Variants in RIPK4 observed in about 807,000 individuals in gnomAD.
RIPK4 encodes the protein receptor interacting serine/threonine kinase 4, also known as receptor-interacting serine/threonine-protein kinase 4.
In RIPK4, 17 loss-of-function variants were observed where a neutral mutation model predicts 42.9. That is an observed-to-expected ratio of 0.40 (90% CI 0.27 to 0.59). The LOEUF (loss-of-function observed/expected upper bound fraction) is 0.59, where lower values mean the gene tolerates loss of function less well. RIPK4 is among the 20% of genes least tolerant of loss of function. The pLI, the probability that RIPK4 is intolerant of heterozygous loss-of-function variation, is 0.47. For synonymous variants in RIPK4, 498 were observed against 499.1 expected (o/e 1.00, Z 0.03); for missense variants, 897 against 1,104.4 (o/e 0.81, Z 2.66).
At chr21:41,764,053 T>C (rs1373862322) in intron 1 of RIPK4, among the ~76,000 whole-genome samples, 2 of 152,062 alleles carry the variant, frequency 1.3e-5, no homozygotes, top group Non-Finnish European at 2.9e-5. Flanking sequence ...AGCCCCATGA[T>C]GAAGGTAATC....
At position 41,742,651 on chromosome 21, in the gene RIPK4, C is replaced by T. The variant is rs1275590680; in HGVS notation, c.1196-654G>A. 1.3e-5 allele frequency among the ~76,000 whole-genome samples: 2 copies of T among 152,200 alleles called. No homozygotes were observed. The highest frequency in any genetic ancestry group is 4.8e-5 in the African/African-American group (2 of 41,446). On this transcript the variant is annotated intron_variant, in intron 7 of 7. Transcript: ENST00000332512. This position sits in a 1 kb window ranked among gnomAD's most constrained non-coding sequence, Gnocchi z 5.1. ...TGCTGAAACCCTGCAACGAGACTCT[C>T]CTCCGCCCTCATGTGAAACGCGTGG...
In RIPK4 at chr21:41,742,122, C is replaced by A. The variant is rs2061156679; in HGVS notation, c.1196-125G>T. 5 of 845,500 alleles carry A rather than the reference C, an allele frequency of 5.9e-6. No individual in the cohort carries two copies. The African/African-American group carries it at 6.8e-5, about 11-fold the overall frequency. The allele number at this position is 845,500 out of a possible 1,614,324, so 52.4% of individuals were successfully genotyped here. A position where few individuals can be genotyped will look rare whatever the true frequency, so the allele number is the denominator to read the frequency against. On this transcript the variant is annotated intron_variant, in intron 7 of 7. Transcript: ENST00000332512. The surrounding 1 kb of genome is among the most constrained non-coding windows in gnomAD (Gnocchi z 5.1). Reference sequence around the variant, plus strand: ...TGGCCTCCAGGCTGCTCGCTGGTCACCCGACTGTGTTTGAGCGTTGTCTGT... The same window carrying A: ...TGGCCTCCAGGCTGCTCGCTGGTCAACCGACTGTGTTTGAGCGTTGTCTGT...
At chr21:41,757,521 C>CAA (rs1214240363) in intron 1 of RIPK4, among the ~76,000 whole-genome samples, 27 of 107,812 alleles carry the variant, frequency 2.5e-4, no homozygotes, top group African/African-American at 7.8e-4. Context: ...AACTCCATCT[C>CAA]AAAAAAAAAA....
At position 41,756,697 on chromosome 21, in the gene RIPK4, G is replaced by A. The variant is rs778210206; in HGVS notation, c.302C>T (p.Thr101Met). 1.9e-5 allele frequency: 31 copies of A among 1,614,076 alleles called. No homozygotes were observed. The highest frequency in any genetic ancestry group is 2.7e-5 in the African/African-American group (2 of 74,942). ...PVGLVMEYME[T>M]GSLEKLLASE... ...AGCCAGCAGCTTTTCCAGGGAGCCC[G>A]TCTCCATGTACTCCATGACCAGGCC... The change falls in exon 2 of 8, where the codon ACG (threonine) becomes ATG (methionine). Residue 101 changes from threonine (T) to methionine (M), a missense_variant. Transcript: ENST00000332512.
Position 41,741,440 on chromosome 21 carries a change from T to A in RIPK4, c.1753A>T (p.Ile585Phe), listed in dbSNP as rs1203634829. Residue 585 changes from isoleucine (I) to phenylalanine (F), a missense_variant, in exon 8 of 8, where the codon ATC becomes TTC. Transcript: ENST00000332512. The part of the protein sequence containing the change: ...HYAAWQGHLP[I>F]VKLLAKQPGV... ...GGCTGCTTGGCCAGCAGCTTGACGATGGGCAGGTGGCCCTGCCAGGCAGCG... is the reference window on the plus strand; with the variant it reads ...GGCTGCTTGGCCAGCAGCTTGACGAAGGGCAGGTGGCCCTGCCAGGCAGCG... The A allele has an allele frequency of 6.2e-7, 1 of 1,612,724 alleles. No individual in the cohort carries two copies. The highest frequency in any genetic ancestry group is 2.2e-5 in the East Asian group (1 of 44,878).
In RIPK4 at chr21:41,751,369, G is replaced by A. The variant is rs1396268332; in HGVS notation, c.475-124C>T. 1 of 1,310,666 alleles carries A rather than the reference G, an allele frequency of 7.6e-7. No individual in the cohort carries two copies. The highest frequency in any genetic ancestry group is 1.0e-6 in the Non-Finnish European group (1 of 965,646). The allele number at this position is 1,310,666 out of a possible 1,614,324, so 81.2% of individuals were successfully genotyped here. A position where few individuals can be genotyped will look rare whatever the true frequency, so the allele number is the denominator to read the frequency against. On this transcript the variant is annotated intron_variant, in intron 2 of 7. Coordinates refer to ENST00000332512, the MANE Select transcript of RIPK4 (RefSeq NM_020639.3). This position sits in a 1 kb window ranked among gnomAD's most constrained non-coding sequence, Gnocchi z 4.5. ...GAGAGCTTTCCAGGAGCCCCTAAGA[G>A]CCGTGTCTGTGCCTCTCCAGGTAGC... is the stretch of plus-strand genomic sequence containing the variant.
intron 2 of RIPK4, among the ~76,000 whole-genome samples, chr21:41,754,469 T>C (rs61537445): frequency 0.021 from 3,246 of 152,226 alleles, 115 homozygotes; most frequent in African/African-American, 0.074. Flanking sequence ...CACACAGAGA[T>C]GTCCTGTCAC....
intron 4 of RIPK4, among the ~76,000 whole-genome samples, chr21:41,748,485 G>A (rs1169137986): frequency 6.6e-6 from 1 of 152,208 alleles, no homozygotes; most frequent in Non-Finnish European, 1.5e-5. Context: ...GTGGCTGCCT[G>A]GCTGGGGAAG....
intron 6 of RIPK4, among the ~76,000 whole-genome samples, chr21:41,744,509 G>A (rs2061164739): frequency 6.6e-6 from 1 of 152,136 alleles, no homozygotes; most frequent in Admixed American, 6.5e-5. Flanking sequence ...ACCCAGCACG[G>A]AGACATCTTA....
At position 41,743,884 on chromosome 21, in the gene RIPK4, C is replaced by A. The variant is rs201219158; in HGVS notation, c.1193G>T (p.Ser398Ile). 1.3e-6 allele frequency: 2 copies of A among 1,595,174 alleles called. No homozygotes were observed. Among genetic ancestry groups the A allele is most frequent in the Non-Finnish European group, 1.7e-6 (2 of 1,168,818 alleles). ...GACACAGAGGCGTCCCCACTCACCG[C>A]TGGTTGAAGGTTCCCGCTCAAAGGA... is the stretch of plus-strand genomic sequence containing the variant. ...SLSFEREPST[S>I]DLGTTDVQKK... The change falls in exon 7 of 8, where the codon AGC becomes ATC. Residue 398 changes from serine (S) to isoleucine (I), a missense_variant and splice_region_variant. Ser to Ile is a moderately radical substitution (Grantham distance 142). Transcript: ENST00000332512.
At chr21:41,760,691 G>A (rs974785961) in intron 1 of RIPK4, among the ~76,000 whole-genome samples, 1 of 152,122 alleles carries the variant, frequency 6.6e-6, no homozygotes, top group African/African-American at 2.4e-5. Context: ...CCTCTCTGGA[G>A]CTGCACCAGG....
At chr21:41,751,000 G>A (rs2061186753) in intron 3 of RIPK4, 97 bp downstream of exon 3, 1 of 1,470,792 alleles carries the variant, frequency 6.8e-7, no homozygotes, top group Non-Finnish European at 9.2e-7. Context: ...CTGACTGGCA[G>A]CAAGAGGCCT....
At chr21:41,745,023 G>A (rs1430946052) in intron 6 of RIPK4, among the ~76,000 whole-genome samples, 3 of 152,152 alleles carry the variant, frequency 2.0e-5, no homozygotes, top group Non-Finnish European at 4.4e-5. Flanking sequence ...GTTGCTGGGT[G>A]TACCGAGCCA....
At chr21:41,749,523 T>C (rs1238133834) in intron 3 of RIPK4, among the ~76,000 whole-genome samples, 2 of 152,216 alleles carry the variant, frequency 1.3e-5, no homozygotes, top group African/African-American at 4.8e-5. Context: ...TGTGCCTCAC[T>C]GATATCTTCT....
At chr21:41,746,111 C>A (rs770470019) in intron 5 of RIPK4, 15 of 696,034 alleles carry the variant, frequency 2.2e-5, no homozygotes, top group Non-Finnish European at 4.0e-5. Context: ...GCGCCACCTG[C>A]CAGTCACAGG....
rs1028211420 is a variant in RIPK4 at position 41,755,587 on chromosome 21, A to T, written c.474+938T>A. On this transcript the variant is annotated intron_variant, in intron 2 of 7. Transcript: ENST00000332512. The surrounding 1 kb of genome is among the most constrained non-coding windows in gnomAD (Gnocchi z 4.2). ...TGCCACCAGGAACAGTAGCACAGCC[A>T]AGCCAGGCAGGGGACTCCTCTGCTT... 6.6e-6 allele frequency among the ~76,000 whole-genome samples: 1 copy of T among 152,184 alleles called. No individual in the cohort carries two copies. Among genetic ancestry groups the T allele is most frequent in the African/African-American group, 2.4e-5 (1 of 41,438 alleles).
chr21:41,740,864 T>C lies in RIPK4; in HGVS notation c.2329A>G (p.Thr777Ala). 1 of 1,609,792 alleles carries C rather than the reference T, an allele frequency of 6.2e-7. No individual in the cohort carries two copies. Among genetic ancestry groups the C allele is most frequent in the Non-Finnish European group, 8.5e-7 (1 of 1,178,506 alleles). The change falls in exon 8 of 8, where the codon ACG becomes GCG. Residue 777 changes from threonine (T) to alanine (A), a missense_variant. Coordinates refer to ENST00000332512, the MANE Select transcript of RIPK4 (RefSeq NM_020639.3). ...TAGGTCTTGCTTCGCCGCAGGAGCGTGGCGGCGGGGCCATGGCCGCCCTGG... is the reference window on the plus strand; with the variant it reads ...TAGGTCTTGCTTCGCCGCAGGAGCGCGGCGGCGGGGCCATGGCCGCCCTGG... ...KFQGGHGPAA[T>A]LLRRSKT
At chr21:41,745,996 G>A in intron 5 of RIPK4, 134 bp from the exon 6 acceptor site, 2 of 796,548 alleles carry the variant, frequency 2.5e-6, no homozygotes, top group Non-Finnish European at 4.5e-6. Flanking sequence ...CACCAGGCAA[G>A]CCCAGGGGCC....
Position 41,740,818 on chromosome 21 carries a change from C to G in RIPK4, c.*20G>C. ...AGGACAAGAGCCCCACGTGGACCCCCGGTCTCCGCAGGCAGCCAGCTAGGT... is the reference window on the plus strand; with the variant it reads ...AGGACAAGAGCCCCACGTGGACCCCGGGTCTCCGCAGGCAGCCAGCTAGGT... On this transcript the variant is annotated 3_prime_UTR_variant, in exon 8 of 8. Transcript: ENST00000332512. The G allele has an allele frequency of 6.3e-7, 1 of 1,576,198 alleles. No individual in the cohort carries two copies.
Sources: gnomAD v4.1 joint callset for allele counts (sites outside exome capture counted in the v4.1 genomes callset) on GRCh38, gnomAD v4.1.1 for gene constraint, Gnocchi (gnomAD v3.1) non-coding constraint, MANE v1.5 for transcripts, NCBI Gene and HGNC (gene_info 2026-07-23, HGNC 2026-07-21) for gene names.